KAZN: variants seen among roughly 807,000 people sequenced by gnomAD.
KAZN encodes the protein kazrin.
In KAZN, 40 loss-of-function variants were observed where a neutral mutation model predicts 87.4. The observed-to-expected ratio is 0.46, with a 90% CI of 0.36 to 0.60. The LOEUF (loss-of-function observed/expected upper bound fraction) is 0.60. Ranked by LOEUF, KAZN falls within the 20% of genes least tolerant of loss-of-function variation. The pLI is 0.00. For missense variants in KAZN, 898 were observed against 1,073.9 expected, an observed-to-expected ratio of 0.84 and a Z score of 2.29; for synonymous variants, 466 against 458.3, an observed-to-expected ratio of 1.02 and a Z score of -0.22.
At chr1:14,722,116 C>A (rs1214905831) in intron 1 of KAZN, among the ~76,000 whole-genome samples, 4 of 151,070 alleles carry the variant, frequency 2.6e-5, no homozygotes, top group Non-Finnish European at 5.9e-5. Context: ...TGCACCACTG[C>A]ACTCAGCCTA....
Position 15,094,825 on chromosome 1 carries a change from G to A in KAZN, c.1439G>A (p.Ser480Asn), listed in dbSNP as rs1332782509. Residue 480 changes from serine to asparagine, a missense_variant, in exon 10 of 15, where the codon AGC (serine) becomes AAC (asparagine). This residue lies in a region of KAZN where 521 missense variants were observed against 689.4 expected (regional missense o/e 0.76). Transcript: ENST00000376030. The surrounding 1 kb of genome is among the most constrained non-coding windows in gnomAD (Gnocchi z 4.5). Reference protein sequence around the residue: ...ENVKSGKVLLSLSDEDLQLGL... With the variant: ...ENVKSGKVLLNLSDEDLQLGL... ...CCCTCCCGGGGGCAGGTGCTGCTGA[G>A]CCTGAGTGACGAGGACCTGCAGCTG... The A allele has an allele frequency of 2.6e-6, 4 of 1,549,914 alleles. No individual in the cohort carries two copies. The African/African-American group carries it at 5.5e-5, about 21-fold the overall frequency.
At chr1:14,519,937 G>A (rs1671498180) in intron 2 of KAZN, among the ~76,000 whole-genome samples, 1 of 152,134 alleles carries the variant, frequency 6.6e-6, no homozygotes, top group South Asian at 2.1e-4. Flanking sequence ...GCCCCATGAT[G>A]GTGTGGGAGC....
intron 2 of KAZN, among the ~76,000 whole-genome samples, chr1:14,417,749 G>A (rs1461610585): frequency 6.6e-6 from 1 of 151,662 alleles, no homozygotes; most frequent in Non-Finnish European, 1.5e-5. Flanking sequence ...GTTATCCCAG[G>A]ACTTTGGGAG....
At chr1:14,386,741 T>C (rs1328748058) in intron 2 of KAZN, among the ~76,000 whole-genome samples, 1 of 152,076 alleles carries the variant, frequency 6.6e-6, no homozygotes, top group Non-Finnish European at 1.5e-5. Flanking sequence ...CTGGCTGCCC[T>C]TAACATTTTT....
chr1:14,892,413 C>G (rs531503249), intron 1 of KAZN, among the ~76,000 whole-genome samples: 11 of 151,690 alleles, frequency 7.3e-5, no homozygotes, highest in Non-Finnish European at 1.2e-4. Flanking sequence ...CCCCCTCCCC[C>G]CTGCTGTCTC....
intron 2 of KAZN, among the ~76,000 whole-genome samples, chr1:14,984,876 G>T (rs185801403): frequency 6.6e-6 from 1 of 152,146 alleles, no homozygotes; most frequent in Non-Finnish European, 1.5e-5. Flanking sequence ...GGAAAGGAGG[G>T]CCTGTAATCC....
intron 1 of KAZN, among the ~76,000 whole-genome samples, chr1:14,908,251 G>A (rs1014987919): frequency 6.6e-6 from 1 of 151,500 alleles, no homozygotes; most frequent in African/African-American, 2.4e-5. Flanking sequence ...ATAAAAATAA[G>A]AAAAATTGGC....
At chr1:14,611,405 G>A (rs2148621480) in intron 1 of KAZN, among the ~76,000 whole-genome samples, 1 of 152,318 alleles carries the variant, frequency 6.6e-6, no homozygotes, top group African/African-American at 2.4e-5. Context: ...GGGCTTTTGA[G>A]TTTTAGGTTT....
chr1:14,405,268 G>A (rs1663741683), intron 2 of KAZN, among the ~76,000 whole-genome samples: 1 of 152,190 alleles, frequency 6.6e-6, no homozygotes, highest in South Asian at 2.1e-4. Context: ...TTGGGTATGA[G>A]CCTGTTTGAG....
At chr1:14,762,586 G>A (rs948813055) in intron 1 of KAZN, among the ~76,000 whole-genome samples, 7 of 152,092 alleles carry the variant, frequency 4.6e-5, no homozygotes, top group Non-Finnish European at 1.0e-4. Flanking sequence ...TTAGCCAGTC[G>A]CGGTGGCAGG....
intron 2 of KAZN, among the ~76,000 whole-genome samples, chr1:14,575,274 A>G (rs1675110382): frequency 6.6e-6 from 1 of 152,104 alleles, no homozygotes; most frequent in East Asian, 1.9e-4. Context: ...GAGACTGGGT[A>G]ATTTATAAAG....
At chr1:14,225,281 C>T (rs539912001) in intron 2 of KAZN, among the ~76,000 whole-genome samples, 2 of 151,914 alleles carry the variant, frequency 1.3e-5, no homozygotes, top group East Asian at 3.9e-4. Context: ...CAAATCAGGA[C>T]CATAATCCCA....
intron 1 of KAZN, among the ~76,000 whole-genome samples, chr1:14,894,384 A>C (rs1655038401): frequency 6.6e-6 from 1 of 152,216 alleles, no homozygotes; most frequent in African/African-American, 2.4e-5. Context: ...AAAATTTCTG[A>C]ATCACTTTGT....
At chr1:14,116,302 GA>G (rs1440942578) in intron 1 of KAZN, among the ~76,000 whole-genome samples, 2 of 152,138 alleles carry the variant, frequency 1.3e-5, no homozygotes, top group Non-Finnish European at 2.9e-5. Flanking sequence ...TGGTTTTGTG[GA>G]ACAGGCCCAG....
intron 1 of KAZN, among the ~76,000 whole-genome samples, chr1:14,941,687 A>G (rs75826771): frequency 1.1e-4 from 16 of 152,304 alleles, no homozygotes; most frequent in African/African-American, 3.8e-4. Context: ...GGAGCAGGGA[A>G]GATTTCCTGG....
At chr1:14,437,075 C>T (rs1666439424) in intron 2 of KAZN, among the ~76,000 whole-genome samples, 1 of 152,212 alleles carries the variant, frequency 6.6e-6, no homozygotes, top group Non-Finnish European at 1.5e-5. Context: ...TCATTCTCCT[C>T]TTGTGAAGCT....
chr1:14,649,284 T>C (rs1309075091), intron 1 of KAZN, among the ~76,000 whole-genome samples: 1 of 152,238 alleles, frequency 6.6e-6, no homozygotes, highest in Non-Finnish European at 1.5e-5. Context: ...CCAGGACTAT[T>C]TGTTGACTTA....
intron 2 of KAZN, among the ~76,000 whole-genome samples, chr1:14,989,668 C>T (rs940731515): frequency 6.6e-6 from 1 of 152,108 alleles, no homozygotes; most frequent in African/African-American, 2.4e-5. Flanking sequence ...GGTTCATCTG[C>T]AGTGTGGGGG....
At chr1:14,342,916 G>A (rs1332403417) in intron 2 of KAZN, among the ~76,000 whole-genome samples, 3 of 152,148 alleles carry the variant, frequency 2.0e-5, no homozygotes, top group Middle Eastern at 3.2e-3. Flanking sequence ...TAAGTTGGGA[G>A]AATCACCTGA....
Sources: allele counts gnomAD v4.1 joint callset (sites outside exome capture counted in the v4.1 genomes callset), GRCh38; gene constraint gnomAD v4.1.1; regional missense constraint gnomAD v4.1.1; non-coding constraint Gnocchi (gnomAD v3.1); transcripts MANE v1.5; gene names NCBI Gene and HGNC (gene_info 2026-07-23, HGNC 2026-07-21).